The following GPHN variants were observed in gnomAD, a reference collection of about 807,000 sequenced individuals.
The protein encoded by GPHN is gephyrin.
GPHN carries 17 observed loss-of-function variants against 95.5 expected under a neutral mutation model. The observed-to-expected ratio is 0.18, with a 90% CI of 0.12 to 0.27. GPHN has a LOEUF of 0.27. Ranked by LOEUF, GPHN falls within the 10% of genes least tolerant of loss-of-function variation. The pLI is 1.00. For missense variants in GPHN, 660 were observed against 978.1 expected (o/e 0.67, Z 4.34); for synonymous variants, 320 against 322.5 (o/e 0.99, Z 0.08).
the GPHN span, chr14:67,733,670 C>T: frequency 1.0e-6 from 1 of 954,424 alleles, no homozygotes; most frequent in Non-Finnish European, 1.7e-6. Context: ...TAGAAACATT[C>T]TGAGAAAGGG....
chr14:67,479,069 C>G, the GPHN span, among the ~76,000 whole-genome samples: 1 of 151,764 alleles, frequency 6.6e-6, no homozygotes, highest in Non-Finnish European at 1.5e-5. Context: ...CTTTTTTTTC[C>G]TAACAAGCAT....
At chr14:67,446,242 G>T in the GPHN span, among the ~76,000 whole-genome samples, 1 of 152,236 alleles carries the variant, frequency 6.6e-6, no homozygotes, top group Middle Eastern at 3.4e-3. Context: ...TACCAGACTT[G>T]ATGATTGCTT....
intron 1 of GPHN, among the ~76,000 whole-genome samples, chr14:66,621,451 G>A (rs1211416903): frequency 2.8e-5 from 4 of 144,020 alleles, no homozygotes; most frequent in Non-Finnish European, 6.0e-5. Context: ...TTGAGACAGA[G>A]TCTCCCTCTG....
intron 8 of GPHN, among the ~76,000 whole-genome samples, chr14:66,964,579 T>G (rs750264097): frequency 2.0e-5 from 3 of 152,148 alleles, no homozygotes; most frequent in Non-Finnish European, 4.4e-5. Flanking sequence ...GGAGTGCTAT[T>G]AGAATCTAGA....
chr14:67,414,904 G>T, the GPHN span, among the ~76,000 whole-genome samples: 1 of 152,192 alleles, frequency 6.6e-6, no homozygotes, highest in South Asian at 2.1e-4. Flanking sequence ...AAAATGACTT[G>T]TCCAAGGTCT....
chr14:67,224,697 G>A, the GPHN span: 1 of 312,514 alleles, frequency 3.2e-6, no homozygotes, highest in Non-Finnish European at 6.2e-6. Context: ...AAGATGAAAA[G>A]AGACAAAGGA....
intron 3 of GPHN, among the ~76,000 whole-genome samples, chr14:66,790,396 T>G (rs1277338736): frequency 6.6e-6 from 1 of 152,206 alleles, no homozygotes; most frequent in African/African-American, 2.4e-5. Context: ...AGACAAAGCT[T>G]TAACTGCTAA....
At chr14:67,305,287 T>G in the GPHN span, among the ~76,000 whole-genome samples, 23,429 of 146,818 alleles carry the variant, frequency 0.16, 3,383 homozygotes, top group East Asian at 0.42. Context: ...AGTTAAGACA[T>G]TTTTTTTTTT....
chr14:66,830,434 A>G (rs1187306824), intron 4 of GPHN, among the ~76,000 whole-genome samples: 1 of 152,142 alleles, frequency 6.6e-6, no homozygotes, highest in Non-Finnish European at 1.5e-5. Flanking sequence ...TTTGTTGTAC[A>G]TTAAGTAAAA....
At chr14:67,288,263 G>T in the GPHN span, among the ~76,000 whole-genome samples, 3 of 152,084 alleles carry the variant, frequency 2.0e-5, no homozygotes, top group Non-Finnish European at 4.4e-5. Context: ...TGTATTTTCA[G>T]TAGAGACGGG....
At chr14:67,301,585 C>G in the GPHN span, 1 of 556,478 alleles carries the variant, frequency 1.8e-6, no homozygotes, top group Non-Finnish European at 3.0e-6. Context: ...TTGATGTTTA[C>G]AACCCCATCT....
chr14:66,743,520 A>G (rs1863359443), intron 2 of GPHN, among the ~76,000 whole-genome samples: 1 of 151,966 alleles, frequency 6.6e-6, no homozygotes, highest in South Asian at 2.1e-4. Context: ...GCGGATCACG[A>G]GGTGAGGAGA....
chr14:67,102,582 C>T (rs895424776), intron 13 of GPHN, among the ~76,000 whole-genome samples: 1 of 152,008 alleles, frequency 6.6e-6, no homozygotes, highest in African/African-American at 2.4e-5. Flanking sequence ...ATCGCTTGAA[C>T]CTGGGAGGCA....
At chr14:67,522,045 G>A in the GPHN span, among the ~76,000 whole-genome samples, 3 of 152,100 alleles carry the variant, frequency 2.0e-5, no homozygotes, top group Non-Finnish European at 2.9e-5. Context: ...ATGGTGGAGC[G>A]TGCCTGTTAT....
At chr14:67,295,240 T>C in the GPHN span, among the ~76,000 whole-genome samples, 1 of 151,662 alleles carries the variant, frequency 6.6e-6, no homozygotes, top group Non-Finnish European at 1.5e-5. Context: ...ATCCCAGCAT[T>C]TTGGGAGGCC....
chr14:67,128,249 C>T (rs962482351), intron 17 of GPHN, among the ~76,000 whole-genome samples: 1 of 151,586 alleles, frequency 6.6e-6, no homozygotes, highest in Non-Finnish European at 1.5e-5. Context: ...TTAAGCACAA[C>T]CCTATTTCTA....
chr14:66,686,123 A>C (rs147700776), intron 2 of GPHN, among the ~76,000 whole-genome samples: 5,517 of 152,284 alleles, frequency 0.036, 135 homozygotes, highest in Middle Eastern at 0.082. Flanking sequence ...TTTTGATACC[A>C]GTACCATGCT....
At chr14:67,051,613 T>C (rs1287965520) in intron 10 of GPHN, among the ~76,000 whole-genome samples, 1 of 152,000 alleles carries the variant, frequency 6.6e-6, no homozygotes, top group Non-Finnish European at 1.5e-5. Flanking sequence ...AGAACCACAG[T>C]AAGATACTCC....
the GPHN span, chr14:67,205,032 G>A: frequency 1.2e-5 from 18 of 1,552,422 alleles, no homozygotes; most frequent in Middle Eastern, 1.7e-4. Flanking sequence ...CAAACTGCTC[G>A]GGAGTCACAG....
Sources: allele counts gnomAD v4.1 joint callset (sites outside exome capture counted in the v4.1 genomes callset), GRCh38; gene constraint gnomAD v4.1.1; transcripts MANE v1.5; gene names NCBI Gene and HGNC (gene_info 2026-07-23, HGNC 2026-07-21).